The following ANKRD30BL variants were observed in gnomAD, a reference collection of about 807,000 sequenced individuals.
ANKRD30BL encodes the protein putative ankyrin repeat domain-containing protein 30B-like.
ANKRD30BL carries 20 observed loss-of-function variants against 18.4 expected under a neutral mutation model. The observed-to-expected ratio is 1.09, with a 90% CI of 0.77 to 1.58. ANKRD30BL has a LOEUF of 1.58. Ranked by LOEUF, ANKRD30BL falls within the 40% of genes most tolerant of loss-of-function variation. The pLI is 0.00. For missense variants in ANKRD30BL, 224 were observed against 268.6 expected, an observed-to-expected ratio of 0.83 and a Z score of 1.16; for synonymous variants, 72 against 100.9, an observed-to-expected ratio of 0.71 and a Z score of 1.72.
chr2:132,165,889 C>A (rs1354716870), upstream of ANKRD30BL, among the ~76,000 whole-genome samples: 1 of 150,970 alleles, frequency 6.6e-6, no homozygotes, highest in Non-Finnish European at 1.5e-5. Context: ...CAAAATTCTT[C>A]TTGCTCCTGG....
At chr2:132,189,004 A>C (rs77620400) in intron 1 of ANKRD30BL, among the ~76,000 whole-genome samples, 1 of 152,206 alleles carries the variant, frequency 6.6e-6, no homozygotes, top group Non-Finnish European at 1.5e-5. Context: ...GCCTCAGGAA[A>C]CTGGGGCCAC....
chr2:132,190,822 A>C (rs1474585387), intron 1 of ANKRD30BL, among the ~76,000 whole-genome samples: 1 of 152,314 alleles, frequency 6.6e-6, no homozygotes, highest in East Asian at 1.9e-4. Flanking sequence ...CCTAAAAACT[A>C]TCCTACATAA....
At chr2:132,199,708 A>G (rs529156860) in intron 1 of ANKRD30BL, among the ~76,000 whole-genome samples, 207 of 152,190 alleles carry the variant, frequency 1.4e-3, no homozygotes, top group Non-Finnish European at 2.3e-3. Flanking sequence ...AATTTGGCTT[A>G]GGTTACTTGT....
At chr2:132,184,241 T>A (rs961150232) in intron 1 of ANKRD30BL, among the ~76,000 whole-genome samples, 7 of 152,114 alleles carry the variant, frequency 4.6e-5, no homozygotes, top group Non-Finnish European at 1.0e-4. Context: ...CCTGGCTAAT[T>A]TTTTTGTGTC....
chr2:132,232,739 G>C (rs1250089576), intron 1 of ANKRD30BL, among the ~76,000 whole-genome samples: 2 of 152,114 alleles, frequency 1.3e-5, no homozygotes, highest in African/African-American at 2.4e-5. Context: ...GGGGAGAAGG[G>C]ACCCAAGTTG....
chr2:132,231,862 C>T (rs1446219429), intron 1 of ANKRD30BL, among the ~76,000 whole-genome samples: 4 of 152,244 alleles, frequency 2.6e-5, no homozygotes, highest in African/African-American at 7.2e-5. Context: ...CTGCCTGCCT[C>T]TGTAGGCTCC....
At chr2:132,254,420 C>A (rs1680762570) in intron 1 of ANKRD30BL, among the ~76,000 whole-genome samples, 1 of 152,266 alleles carries the variant, frequency 6.6e-6, no homozygotes, top group Non-Finnish European at 1.5e-5. Flanking sequence ...TCAAGTTCGA[C>A]TGTCTTCTCA....
chr2:132,210,256 T>C (rs1262858038), intron 1 of ANKRD30BL, among the ~76,000 whole-genome samples: 1 of 151,214 alleles, frequency 6.6e-6, no homozygotes, highest in African/African-American at 2.4e-5. Flanking sequence ...TGTGCATTCA[T>C]GTCTCAGAGA....
chr2:132,252,627 G>T lies in ANKRD30BL; in HGVS notation n.441+4902C>A, dbSNP rs79900427. On this transcript the variant is annotated intron_variant and non_coding_transcript_variant, in intron 1 of 4. Coordinates refer to the ANKRD30BL transcript ENST00000470729. ...GCACTGGAGCTGTGGTCAGCCAGTC[G>T]CTGGGCCGCCTCCAGGGGTGGACGG... is the stretch of plus-strand genomic sequence containing the variant. 2.2e-4 allele frequency among the ~76,000 whole-genome samples: 33 copies of T among 152,154 alleles called. 1 individual carries two copies. The highest frequency in any genetic ancestry group is 7.9e-4 in the African/African-American group (33 of 41,526).
At chr2:132,194,360 G>T (rs1404789851) in intron 1 of ANKRD30BL, among the ~76,000 whole-genome samples, 1 of 152,212 alleles carries the variant, frequency 6.6e-6, no homozygotes, top group Non-Finnish European at 1.5e-5. Context: ...TGAAATGCAG[G>T]TATCCTGAAT....
At chr2:132,164,908 C>A (rs57110114), upstream of ANKRD30BL, among the ~76,000 whole-genome samples, 1 of 151,728 alleles carries the variant, frequency 6.6e-6, no homozygotes, top group Non-Finnish European at 1.5e-5. Flanking sequence ...GTCTCTACTA[C>A]AAATACAAAA....
rs150946759 is a variant in ANKRD30BL, at chr2:132,231,632, G to C, written n.441+25897C>G. The stretch of plus-strand genomic sequence containing the variant: ...ACCCGAATATAGCGCTTTTCGGACC[G>C]GCTTAAAAAACGGCACACCACGAGA... On this transcript the variant is annotated intron_variant and non_coding_transcript_variant, in intron 1 of 4. Transcript: ENST00000470729. Among the ~76,000 whole-genome samples the C allele has an allele frequency of 2.6e-3, 402 of 152,272 alleles. 4 individuals are homozygous for C. Among genetic ancestry groups the C allele is most frequent in the African/African-American group, 9.2e-3 (381 of 41,558 alleles).
intron 1 of ANKRD30BL, among the ~76,000 whole-genome samples, chr2:132,215,403 G>A (rs1462423041): frequency 6.6e-6 from 1 of 152,194 alleles, no homozygotes; most frequent in Non-Finnish European, 1.5e-5. Context: ...TTTGTGATAT[G>A]TGCATTCATC....
intron 1 of ANKRD30BL, among the ~76,000 whole-genome samples, chr2:132,221,946 G>A (rs1460103418): frequency 1.7e-4 from 21 of 127,124 alleles, no homozygotes; most frequent in Non-Finnish European, 2.8e-4. Context: ...CTGGCCAGCC[G>A]CCCCGTCCGG....
At chr2:132,155,944 AG>A (rs956985387) in intron 3 of ANKRD30BL, 53 of 152,082 alleles carry the variant, frequency 3.5e-4, no homozygotes, top group African/African-American at 1.2e-3. Flanking sequence ...TCAGTATAAA[AG>A]TTTATTCTCT....
At position 132,253,817 on chromosome 2, in the gene ANKRD30BL, C is replaced by T. The variant is rs200921649; in HGVS notation, n.441+3712G>A. ...CGGGGGCGGATGAGGGGGGTGGGAC[C>T]GGCATCCGGCCCCCTACCCTCGAGA... On this transcript the variant is annotated intron_variant and non_coding_transcript_variant, in intron 1 of 4. Coordinates refer to the ANKRD30BL transcript ENST00000470729. Among the ~76,000 whole-genome samples, 5 of 152,106 alleles carry T rather than the reference C, an allele frequency of 3.3e-5. No individual in the cohort carries two copies. The South Asian group carries it at 6.2e-4, about 19-fold the overall frequency.
At chr2:132,209,977 C>T (rs1004892280) in intron 1 of ANKRD30BL, among the ~76,000 whole-genome samples, 57 of 151,838 alleles carry the variant, frequency 3.8e-4, no homozygotes, top group Middle Eastern at 6.8e-3. Flanking sequence ...GTAGAATCTG[C>T]GAGTGGATAC....
intron 1 of ANKRD30BL, among the ~76,000 whole-genome samples, chr2:132,200,990 A>C (rs1300480149): frequency 6.6e-6 from 1 of 151,732 alleles, no homozygotes; most frequent in African/African-American, 2.4e-5. Context: ...AAATGATGCC[A>C]CATATCTACA....
intron 1 of ANKRD30BL, among the ~76,000 whole-genome samples, chr2:132,251,142 C>A (rs1680637603): frequency 6.6e-6 from 1 of 152,130 alleles, no homozygotes; most frequent in Admixed American, 6.5e-5. Context: ...TTTCAACTTT[C>A]TTTTGAAATA....
Sources: gnomAD v4.1 joint callset for allele counts (sites outside exome capture counted in the v4.1 genomes callset) on GRCh38, gnomAD v4.1.1 for gene constraint, MANE v1.5 for transcripts, NCBI Gene and HGNC (gene_info 2026-07-23, HGNC 2026-07-21) for gene names.